The following GNAQ variants were observed in gnomAD, a reference collection of about 807,000 sequenced individuals.
GNAQ encodes G protein subunit alpha q.
In GNAQ, 8 loss-of-function variants were observed where a neutral mutation model predicts 43.9. That is an observed-to-expected ratio of 0.18 (90% CI 0.11 to 0.33). The LOEUF (loss-of-function observed/expected upper bound fraction) is 0.33. GNAQ is among the 10% of genes least tolerant of loss of function. The pLI is 1.00. For missense variants in GNAQ, 158 were observed against 450.8 expected (o/e 0.35, Z 5.88); for synonymous variants, 155 against 170.7 (o/e 0.91, Z 0.71).
At chr9:77,737,082 A>G (rs543473032) in intron 5 of GNAQ, among the ~76,000 whole-genome samples, 11 of 152,340 alleles carry the variant, frequency 7.2e-5, no homozygotes, top group African/African-American at 2.4e-4. Flanking sequence ...TACTGAGCTG[A>G]GAGTCAGGTA....
chr9:77,783,927 G>A (rs1007962653), intron 5 of GNAQ, among the ~76,000 whole-genome samples: 8 of 151,930 alleles, frequency 5.3e-5, no homozygotes, highest in Admixed American at 2.6e-4. Context: ...ATGACAAAAG[G>A]AATAAATTAT....
intron 1 of GNAQ, among the ~76,000 whole-genome samples, 174 bp downstream of exon 1, chr9:78,030,926 T>A (rs1161938096): frequency 1.3e-5 from 2 of 151,276 alleles, no homozygotes; most frequent in East Asian, 3.9e-4. Context: ...TGTGTCTGTG[T>A]GTAACGCGCC....
At chr9:77,775,833 A>C (rs2118386447) in intron 5 of GNAQ, among the ~76,000 whole-genome samples, 1 of 152,276 alleles carries the variant, frequency 6.6e-6, no homozygotes, top group East Asian at 1.9e-4. Context: ...GCTGAGGCAC[A>C]AGAATCACTT....
At position 77,827,403 on chromosome 9, in the gene GNAQ, T is replaced by C. The variant is rs527776597; in HGVS notation, c.322-11633A>G. Among the ~76,000 whole-genome samples the C allele has an allele frequency of 4.7e-5, 7 of 147,836 alleles. No homozygotes were observed. The South Asian group carries it at 1.5e-3, about 32-fold the overall frequency. ...ATAACTAAAAAAAAAAAAAAAAAAC[T>C]GAGCAACTTGCATTGCTTTTTCAAG... is the stretch of plus-strand genomic sequence containing the variant. On this transcript the variant is annotated intron_variant, in intron 2 of 6. Coordinates refer to ENST00000286548, the MANE Select transcript of GNAQ (RefSeq NM_002072.5).
intron 1 of GNAQ, among the ~76,000 whole-genome samples, chr9:77,965,436 A>G (rs567522903): frequency 1.1e-3 from 164 of 152,336 alleles, no homozygotes; most frequent in Non-Finnish European, 2.0e-3. Flanking sequence ...GACAAACCAC[A>G]GACAAGGAGA....
intron 3 of GNAQ, among the ~76,000 whole-genome samples, chr9:77,814,614 G>GA (rs1254142778): frequency 6.6e-6 from 1 of 152,090 alleles, no homozygotes. Context: ...CAATTTTACT[G>GA]AAAAAACAGA....
chr9:77,779,680 C>CAAAAAAAAAAAA (rs58014303), intron 5 of GNAQ, among the ~76,000 whole-genome samples: 1,114 of 95,708 alleles, frequency 0.012, no homozygotes, highest in African/African-American at 0.022. Flanking sequence ...AAAAACAAAA[C>CAAAAAAAAAAAA]AAAAAAAAAA....
At chr9:77,891,464 T>G (rs1047268511) in intron 2 of GNAQ, among the ~76,000 whole-genome samples, 4 of 152,242 alleles carry the variant, frequency 2.6e-5, no homozygotes, top group African/African-American at 9.6e-5. Context: ...TTTACTGACC[T>G]TGCCACCACA....
intron 1 of GNAQ, among the ~76,000 whole-genome samples, chr9:78,023,154 C>T (rs1036811690): frequency 1.3e-5 from 2 of 152,228 alleles, no homozygotes; most frequent in African/African-American, 4.8e-5. Flanking sequence ...AGTCCCTGCC[C>T]TCTGGAAAAG....
intron 1 of GNAQ, among the ~76,000 whole-genome samples, chr9:78,008,590 AT>A: frequency 7.2e-6 from 1 of 139,080 alleles, no homozygotes; most frequent in Non-Finnish European, 1.6e-5. Flanking sequence ...ATTTCATTTC[AT>A]TTCATTTCAT....
chr9:77,740,712 G>T (rs577538540), intron 5 of GNAQ, among the ~76,000 whole-genome samples: 1 of 152,124 alleles, frequency 6.6e-6, no homozygotes, highest in Non-Finnish European at 1.5e-5. Context: ...AATACAGGAT[G>T]AAATTTTTTA....
chr9:77,936,531 A>G lies in GNAQ; in HGVS notation c.137-14186T>C, dbSNP rs1463665274. ...AGATAAAAAAGTCATTAAGGCATCT[A>G]GTGAAAACAGTGCCTCACATAGACT... On this transcript the variant is annotated intron_variant, in intron 1 of 6. Coordinates refer to ENST00000286548, the MANE Select transcript of GNAQ (RefSeq NM_002072.5). Among the ~76,000 whole-genome samples the G allele has an allele frequency of 7.2e-5, 11 of 152,364 alleles. No individual in the cohort carries two copies. The South Asian group carries it at 2.1e-3, about 29-fold the overall frequency.
chr9:77,930,023 T>C (rs1453415325), intron 1 of GNAQ, among the ~76,000 whole-genome samples: 1 of 152,156 alleles, frequency 6.6e-6, no homozygotes, highest in Non-Finnish European at 1.5e-5. Flanking sequence ...AATTCTAATT[T>C]TTTGCTTTTG....
intron 2 of GNAQ, among the ~76,000 whole-genome samples, chr9:77,870,377 C>T (rs960692749): frequency 7.5e-6 from 1 of 134,012 alleles, no homozygotes; most frequent in African/African-American, 2.9e-5. Flanking sequence ...GTCACCCAGG[C>T]TGGAGTGCAG....
chr9:77,898,378 C>G (rs1828537160), intron 2 of GNAQ, among the ~76,000 whole-genome samples: 1 of 152,170 alleles, frequency 6.6e-6, no homozygotes, highest in Non-Finnish European at 1.5e-5. Flanking sequence ...TCTTAGGGAG[C>G]CATTCTGTCC....
chr9:77,957,269 T>G (rs948163460), intron 1 of GNAQ, among the ~76,000 whole-genome samples: 1 of 152,000 alleles, frequency 6.6e-6, no homozygotes, highest in African/African-American at 2.4e-5. Flanking sequence ...GACAGGAGAA[T>G]TGCACGAACA....
intron 5 of GNAQ, among the ~76,000 whole-genome samples, chr9:77,737,711 G>C (rs545838566): frequency 4.6e-5 from 7 of 152,302 alleles, no homozygotes; most frequent in African/African-American, 1.7e-4. Flanking sequence ...GAGCCAAGGA[G>C]ACAACTAGAC....
At chr9:77,981,345 T>C (rs1280622383) in intron 1 of GNAQ, among the ~76,000 whole-genome samples, 2 of 152,246 alleles carry the variant, frequency 1.3e-5, no homozygotes, top group Non-Finnish European at 1.5e-5. Context: ...CTTTTGTTTA[T>C]GAAGGATACT....
At chr9:77,788,680 CTT>C (rs1173548010) in intron 5 of GNAQ, among the ~76,000 whole-genome samples, 2 of 152,144 alleles carry the variant, frequency 1.3e-5, no homozygotes, top group African/African-American at 4.8e-5. Flanking sequence ...ATTATATACT[CTT>C]TTCTCTCACT....
Sources: allele counts gnomAD v4.1 joint callset (sites outside exome capture counted in the v4.1 genomes callset), GRCh38; gene constraint gnomAD v4.1.1; transcripts MANE v1.5; gene names NCBI Gene and HGNC (gene_info 2026-07-23, HGNC 2026-07-21).